GABBR2: variants seen among roughly 807,000 people sequenced by gnomAD.
The protein encoded by GABBR2 is G-protein coupled receptor 51.
A neutral mutation model predicts 105.6 loss-of-function variants in GABBR2; 23 were observed. The observed-to-expected ratio is 0.22, with a 90% CI of 0.16 to 0.31. The LOEUF is 0.31. GABBR2 is among the 10% of genes least tolerant of loss of function. GABBR2 has a pLI of 1.00. For synonymous variants in GABBR2, 478 were observed against 499.7 expected (o/e 0.96, Z 0.58); for missense variants, 734 against 1,245.5 (o/e 0.59, Z 6.18).
At chr9:98,601,833 C>T (rs533269102) in intron 1 of GABBR2, among the ~76,000 whole-genome samples, 52 of 152,306 alleles carry the variant, frequency 3.4e-4, no homozygotes, top group African/African-American at 1.2e-3. Flanking sequence ...CAGGTGGGCA[C>T]TGCCAGGCTG....
intron 1 of GABBR2, among the ~76,000 whole-genome samples, chr9:98,628,196 C>T (rs1829771927): frequency 1.3e-5 from 2 of 152,166 alleles, no homozygotes; most frequent in Admixed American, 6.5e-5. Context: ...TACATTTTAG[C>T]TCATTTATCA....
chr9:98,497,722 G>C (rs531533108), intron 3 of GABBR2, among the ~76,000 whole-genome samples: 116 of 152,308 alleles, frequency 7.6e-4, no homozygotes, highest in African/African-American at 2.7e-3. Flanking sequence ...TTACCAAAAA[G>C]CAAAACCACA....
chr9:98,416,690 TCTC>T (rs1832695173), intron 7 of GABBR2, among the ~76,000 whole-genome samples: 1 of 152,220 alleles, frequency 6.6e-6, no homozygotes, highest in Admixed American at 6.5e-5. Context: ...GTGCAGGGCT[TCTC>T]CTCTGAGCTC....
At chr9:98,553,321 C>T (rs117262666) in intron 2 of GABBR2, among the ~76,000 whole-genome samples, 5,628 of 151,902 alleles carry the variant, frequency 0.037, 203 homozygotes, top group South Asian at 0.13. Context: ...CAGCCAGGTG[C>T]GGTGGCTAAC....
In GABBR2 at chr9:98,547,416, C is replaced by CAT. The variant is rs1341425228; in HGVS notation, c.460-5375_460-5374dup. ...AATATAGCATATGTAGTATGTTTAT[C>CAT]ATATATATATTTATATTATATTCCT... On this transcript the variant is annotated intron_variant, in intron 2 of 18. Coordinates refer to ENST00000259455, the MANE Select transcript of GABBR2 (RefSeq NM_005458.8). Among the ~76,000 whole-genome samples the CAT allele has an allele frequency of 1.7e-5, 2 of 114,990 alleles. 1 individual carries two copies. Among genetic ancestry groups the CAT allele is most frequent in the Non-Finnish European group, 3.8e-5 (2 of 52,196 alleles). The allele number at this position is 114,990 out of a possible 152,430, so 75.4% of individuals were successfully genotyped here. A position where few individuals can be genotyped will look rare whatever the true frequency, so the allele number is the denominator to read the frequency against.
intron 11 of GABBR2, among the ~76,000 whole-genome samples, chr9:98,381,471 T>A (rs575526750): frequency 1.3e-5 from 2 of 152,350 alleles, no homozygotes; most frequent in South Asian, 4.1e-4. Context: ...GCAGGTGGAA[T>A]ACAACCCAAA....
At chr9:98,556,151 CCCAT>C (rs1426203745) in intron 2 of GABBR2, among the ~76,000 whole-genome samples, 1 of 152,176 alleles carries the variant, frequency 6.6e-6, no homozygotes, top group Non-Finnish European at 1.5e-5. Context: ...GGGTTTGCGC[CCCAT>C]CCCCTTGAGT....
chr9:98,323,998 A>G (rs1830871962), intron 13 of GABBR2, among the ~76,000 whole-genome samples: 1 of 152,116 alleles, frequency 6.6e-6, no homozygotes, highest in South Asian at 2.1e-4. Flanking sequence ...CAACCACCCT[A>G]GGAGGTTAGT....
chr9:98,688,785 T>C (rs1411265547), intron 1 of GABBR2, among the ~76,000 whole-genome samples: 1 of 152,156 alleles, frequency 6.6e-6, no homozygotes, highest in African/African-American at 2.4e-5. Context: ...CATATCACAC[T>C]TGTGCAGGCC....
chr9:98,463,658 T>C (rs1826472118), intron 6 of GABBR2, among the ~76,000 whole-genome samples: 1 of 152,202 alleles, frequency 6.6e-6, no homozygotes, highest in Non-Finnish European at 1.5e-5. Flanking sequence ...TCCCTCTTTC[T>C]ACAGTCTCCC....
At chr9:98,406,401 A>T (rs1289773013) in intron 7 of GABBR2, among the ~76,000 whole-genome samples, 1 of 152,272 alleles carries the variant, frequency 6.6e-6, no homozygotes, top group Admixed American at 6.5e-5. Flanking sequence ...AAGCATCATC[A>T]TGATCACCAT....
At chr9:98,356,645 A>C (rs1831489068) in intron 13 of GABBR2, among the ~76,000 whole-genome samples, 1 of 152,198 alleles carries the variant, frequency 6.6e-6, no homozygotes, top group Non-Finnish European at 1.5e-5. Flanking sequence ...TATAATCATA[A>C]CTTGCACTCC....
intron 1 of GABBR2, among the ~76,000 whole-genome samples, chr9:98,661,988 C>T (rs1402941403): frequency 6.6e-6 from 1 of 152,184 alleles, no homozygotes; most frequent in East Asian, 1.9e-4. Context: ...CTCAACTTCT[C>T]CCACTTCAGT....
intron 2 of GABBR2, among the ~76,000 whole-genome samples, chr9:98,573,485 T>C (rs935286242): frequency 6.6e-6 from 1 of 152,194 alleles, no homozygotes; most frequent in East Asian, 1.9e-4. Flanking sequence ...GGTCTCACTA[T>C]GTTCCCCAGG....
intron 7 of GABBR2, among the ~76,000 whole-genome samples, chr9:98,429,366 C>T (rs1438270837): frequency 6.6e-6 from 1 of 152,088 alleles, no homozygotes; most frequent in Non-Finnish European, 1.5e-5. Flanking sequence ...GTCTTGGACT[C>T]CTGACCTCAA....
At chr9:98,649,109 C>T (rs538425855) in intron 1 of GABBR2, among the ~76,000 whole-genome samples, 2 of 152,148 alleles carry the variant, frequency 1.3e-5, no homozygotes, top group Admixed American at 6.5e-5. Context: ...GTTTCAAAGG[C>T]AGATTTCTCC....
In GABBR2 at chr9:98,394,136, T is replaced by A. The variant is rs7025048; in HGVS notation, c.1378+39A>T. The A allele has an allele frequency of 5.6e-6, 8 of 1,435,914 alleles. No individual in the cohort carries two copies. The African/African-American group carries it at 1.1e-4, about 20-fold the overall frequency. 88.9% of individuals were successfully genotyped at this position (1,435,914 alleles called of 1,614,324 possible). A position where few individuals can be genotyped will look rare whatever the true frequency, so the allele number is the denominator to read the frequency against. On this transcript the variant is annotated intron_variant, in intron 9 of 18. Transcript: ENST00000259455. The stretch of plus-strand genomic sequence containing the variant: ...GACAATGTCCAGGCTTGGGAGCAAC[T>A]GGGCAGGCCCCCTCCTCTGAGAAGC...
chr9:98,623,032 C>A (rs1269025549), intron 1 of GABBR2, among the ~76,000 whole-genome samples: 1 of 152,166 alleles, frequency 6.6e-6, no homozygotes. Context: ...ATGGGGGAGG[C>A]TGTGCATGTG....
chr9:98,543,193 C>G (rs1233993077), intron 2 of GABBR2, among the ~76,000 whole-genome samples: 1 of 152,126 alleles, frequency 6.6e-6, no homozygotes, highest in African/African-American at 2.4e-5. Context: ...AACACTTCCT[C>G]TGATCTCTGT....
Sources: gnomAD v4.1 joint callset for allele counts (sites outside exome capture counted in the v4.1 genomes callset) on GRCh38, gnomAD v4.1.1 for gene constraint, MANE v1.5 for transcripts, NCBI Gene and HGNC (gene_info 2026-07-23, HGNC 2026-07-21) for gene names.